Variants in RNF212 observed in about 807,000 individuals in gnomAD.
RNF212 encodes the protein ring finger protein 212.
RNF212 carries 33 observed loss-of-function variants against 34.7 expected under a neutral mutation model. The ratio of observed to expected loss-of-function variants is 0.95; its 90% confidence interval spans 0.72 to 1.27. The LOEUF (loss-of-function observed/expected upper bound fraction) is 1.27. Among genes scored for constraint, RNF212 ranks in the 50% most tolerant of loss-of-function variants. RNF212 has a pLI of 0.00. For synonymous variants in RNF212, 140 were observed against 136.1 expected (o/e 1.03, Z -0.20); for missense variants, 377 against 362.2 (o/e 1.04, Z -0.33).
At chr4:1,063,642 G>A (rs995062832) in intron 3 of RNF212, among the ~76,000 whole-genome samples, 2 of 150,626 alleles carry the variant, frequency 1.3e-5, no homozygotes, top group African/African-American at 2.4e-5. Context: ...GGAGGTTGCA[G>A]TGAGATCACA....
At chr4:1,082,594 C>G (rs984322519) in intron 5 of RNF212, among the ~76,000 whole-genome samples, 7 of 152,250 alleles carry the variant, frequency 4.6e-5, no homozygotes, top group Non-Finnish European at 8.8e-5. Context: ...CCTCCTAGAG[C>G]CTGCCCTGGC....
rs954668134 is a variant in RNF212 at position 1,072,523 on chromosome 4, C to G, written c.*351G>C. ...TGGAGTCATGGTGTATATGGGAAAT[C>G]TGTACCTTCCTTTCAATTTTTCTGT... On this transcript the variant is annotated 3_prime_UTR_variant, in exon 10 of 10. Transcript: ENST00000433731. The G allele has an allele frequency of 3.3e-6, 1 of 306,494 alleles. No individual in the cohort carries two copies. Among genetic ancestry groups the G allele is most frequent in the South Asian group, 6.0e-5 (1 of 16,566 alleles). 19.0% of individuals were successfully genotyped at this position (306,494 alleles called of 1,614,324 possible).
At chr4:1,099,510 A>C (rs1577788576) in intron 2 of RNF212, among the ~76,000 whole-genome samples, 1 of 152,002 alleles carries the variant, frequency 6.6e-6, no homozygotes, top group African/African-American at 2.4e-5. Context: ...CGGGGCGGGG[A>C]AGGCCAGGAG....
intron 3 of RNF212, among the ~76,000 whole-genome samples, chr4:1,095,770 C>G (rs1284693511): frequency 1.8e-5 from 1 of 55,432 alleles, no homozygotes; most frequent in African/African-American, 1.3e-4. Flanking sequence ...ATGGTCTCAG[C>G]ATAGCGCACC....
Position 1,081,552 on chromosome 4 carries a change from CATG to C in RNF212, c.415+12_415+14del. ...CATCTCTATTTTGTTCTCTTTCTGG[CATG>C]ATTTTACTTACTTGAAACTGAACTT... is the stretch of plus-strand genomic sequence containing the variant. On this transcript the variant is annotated intron_variant, in intron 6 of 9. Transcript: ENST00000433731. 6.8e-6 allele frequency: 11 copies of C among 1,609,582 alleles called. No homozygotes were observed. Among genetic ancestry groups the C allele is most frequent in the Non-Finnish European group, 9.4e-6 (11 of 1,176,012 alleles).
chr4:1,083,945 A>ATT (rs376424627), intron 5 of RNF212, among the ~76,000 whole-genome samples: 2,433 of 134,622 alleles, frequency 0.018, 70 homozygotes, highest in African/African-American at 0.048. Context: ...CATTTTGTGC[A>ATT]TTTTTTTTTT....
rs892869552 is a variant in RNF212 at position 1,079,673 on chromosome 4, T to C, written c.480A>G (p.Glu160=). 6.2e-7 allele frequency: 1 copy of C among 1,611,682 alleles called. No individual in the cohort carries two copies. Among genetic ancestry groups the C allele is most frequent in the Non-Finnish European group, 8.5e-7 (1 of 1,177,846 alleles). The change falls in exon 8 of 10, where the codon GAA becomes GAG. Residue 160 remains glutamate, a synonymous_variant. Transcript: ENST00000433731. ...TAATCGGAGAAGGAGAGAGATCAAC[T>C]TCCATCGACTCCAGTCTGTTAAACA... ...SSAPDRLESM[E]VDLSPSPIRK...
Position 1,081,620 on chromosome 4 carries a change from C to T in RNF212, c.363-1G>A. The T allele has an allele frequency of 6.2e-7, 1 of 1,600,652 alleles. No individual in the cohort carries two copies. Among genetic ancestry groups the T allele is most frequent in the Non-Finnish European group, 8.6e-7 (1 of 1,168,000 alleles). ...AGCTGTTTGTTGTGATGATCTCATA[C>T]TAAATAGATGGAGAAAAGGTATTGA... On this transcript the variant is annotated splice_acceptor_variant, in intron 5 of 9. Coordinates refer to ENST00000433731, the MANE Select transcript of RNF212 (RefSeq NM_001131034.4). LOFTEE classifies it high-confidence loss of function.
intron 2 of RNF212, among the ~76,000 whole-genome samples, chr4:1,106,709 C>T (rs544088229): frequency 6.6e-5 from 10 of 152,302 alleles, no homozygotes; most frequent in Non-Finnish European, 1.0e-4. Context: ...GCCTCCAGCC[C>T]GACCGTGTAC....
chr4:1,080,112 C>T (rs1577678667), intron 7 of RNF212, among the ~76,000 whole-genome samples: 1 of 152,346 alleles, frequency 6.6e-6, no homozygotes, highest in Non-Finnish European at 1.5e-5. Flanking sequence ...CATACCACAC[C>T]GTGCACGCTC....
intron 3 of RNF212, among the ~76,000 whole-genome samples, chr4:1,060,394 G>A (rs13106586): frequency 0.81 from 123,270 of 151,972 alleles, 50,711 homozygotes; most frequent in African/African-American, 0.94. Flanking sequence ...GCAGTAACTC[G>A]GAGAAAGGGG....
chr4:1,078,432 C>T (rs1466215), intron 8 of RNF212, among the ~76,000 whole-genome samples: 85,917 of 151,960 alleles, frequency 0.57, 26,291 homozygotes, highest in Non-Finnish European at 0.68. Context: ...GTTCTGCCCA[C>T]CAGGACAGAC....
At chr4:1,099,120 G>C (rs1034263107) in intron 2 of RNF212, among the ~76,000 whole-genome samples, 6 of 152,186 alleles carry the variant, frequency 3.9e-5, no homozygotes, top group African/African-American at 1.4e-4. Context: ...GCCTGAGCGG[G>C]AGAACACAGG....
At chr4:1,103,921 A>G (rs772066692) in intron 2 of RNF212, among the ~76,000 whole-genome samples, 7 of 152,252 alleles carry the variant, frequency 4.6e-5, no homozygotes, top group Non-Finnish European at 8.8e-5. Flanking sequence ...GAATAGAAAG[A>G]GAGATCTAAA....
At chr4:1,106,696 C>T (rs567150321) in intron 2 of RNF212, among the ~76,000 whole-genome samples, 1 of 152,314 alleles carries the variant, frequency 6.6e-6, no homozygotes, top group South Asian at 2.1e-4. Flanking sequence ...TAAGGGCTCA[C>T]CAGCCTCCAG....
downstream of RNF212, among the ~76,000 whole-genome samples, chr4:1,066,719 T>A (rs1301017189): frequency 6.6e-6 from 1 of 152,244 alleles, no homozygotes; most frequent in Non-Finnish European, 1.5e-5. Flanking sequence ...TACATATGAT[T>A]TGCAAATATT....
chr4:1,104,788 C>T (rs1279962490), intron 2 of RNF212, among the ~76,000 whole-genome samples: 1 of 152,158 alleles, frequency 6.6e-6, no homozygotes, highest in African/African-American at 2.4e-5. Context: ...AATCTATGAG[C>T]TAGAAAGACA....
chr4:1,079,043 T>G lies in RNF212; in HGVS notation c.510+600A>C, dbSNP rs111240158. Among the ~76,000 whole-genome samples, 5 of 33,460 alleles carry G rather than the reference T, an allele frequency of 1.5e-4. No homozygotes were observed. In the Admixed American group the frequency reaches 1.7e-3, roughly 12 times the overall value. The allele number at this position is 33,460 out of a possible 152,430, so 22.0% of individuals were successfully genotyped here. A position where few individuals can be genotyped will look rare whatever the true frequency, so the allele number is the denominator to read the frequency against. ...ACACAGGACCAACATGGGACCAACA[T>G]AGAGTCAACACAGGACCAACATGGG... On this transcript the variant is annotated intron_variant, in intron 8 of 9. Coordinates refer to ENST00000433731, the MANE Select transcript of RNF212 (RefSeq NM_001131034.4).
chr4:1,076,480 G>A (rs1719323814), intron 8 of RNF212, among the ~76,000 whole-genome samples: 1 of 152,178 alleles, frequency 6.6e-6, no homozygotes, highest in South Asian at 2.1e-4. Flanking sequence ...ATGCAGCCCT[G>A]AACAGTGTGG....
Sources: allele counts gnomAD v4.1 joint callset (sites outside exome capture counted in the v4.1 genomes callset), GRCh38; gene constraint gnomAD v4.1.1; transcripts MANE v1.5; gene names NCBI Gene and HGNC (gene_info 2026-07-23, HGNC 2026-07-21).